Variants in RNLS observed in about 807,000 individuals in gnomAD.
The protein encoded by RNLS is renalase, FAD dependent amine oxidase.
In RNLS, 39 loss-of-function variants were observed where a neutral mutation model predicts 39.8. The observed-to-expected ratio is 0.98, with a 90% CI of 0.76 to 1.28. The LOEUF is 1.28. RNLS is among the 50% of genes most tolerant of loss of function. RNLS has a pLI of 0.00. For missense variants in RNLS, 410 were observed against 413.3 expected (o/e 0.99, Z 0.07); for synonymous variants, 147 against 150.7 (o/e 0.98, Z 0.18).
At position 88,498,732 on chromosome 10, in the gene RNLS, T is replaced by C. The variant is rs117470391; in HGVS notation, c.526+74171A>G. Among the ~76,000 whole-genome samples the C allele has an allele frequency of 8.6e-3, 1,301 of 152,012 alleles. 21 individuals carry two copies. The highest frequency in any genetic ancestry group is 0.033 in the East Asian group (172 of 5,164). ...GATAGGAGGTGTCACTTCTACAAAT[T>C]ACTCTTGAACAGTTCAAAAAGAAAG... On this transcript the variant is annotated intron_variant, in intron 4 of 6. Transcript: ENST00000331772.
chr10:88,515,376 T>C (rs1846353471), intron 4 of RNLS, among the ~76,000 whole-genome samples: 1 of 152,082 alleles, frequency 6.6e-6, no homozygotes, highest in Admixed American at 6.6e-5. Context: ...CAGGGTCCAA[T>C]TATGCCATGT....
chr10:88,302,868 A>G (rs925351666), intron 6 of RNLS, among the ~76,000 whole-genome samples: 2 of 152,066 alleles, frequency 1.3e-5, no homozygotes, highest in African/African-American at 4.8e-5. Context: ...ATGCAGGGAG[A>G]GGGGGGAGGC....
the RNLS span, among the ~76,000 whole-genome samples, chr10:88,251,455 C>T: frequency 6.6e-6 from 1 of 152,280 alleles, no homozygotes; most frequent in African/African-American, 2.4e-5. Context: ...GATTAATGCA[C>T]CCAGCACATG....
the RNLS span, among the ~76,000 whole-genome samples, chr10:88,237,624 T>G: frequency 6.6e-6 from 1 of 152,248 alleles, no homozygotes; most frequent in South Asian, 2.1e-4. Flanking sequence ...TTCTAAGACA[T>G]TTCTTCTAAG....
chr10:88,422,984 A>G (rs1030575510), intron 4 of RNLS, among the ~76,000 whole-genome samples: 3 of 152,170 alleles, frequency 2.0e-5, no homozygotes, highest in African/African-American at 7.2e-5. Context: ...CTTGGCCTCA[A>G]GTGATCCACC....
chr10:88,367,620 T>C (rs1850229576), intron 4 of RNLS, among the ~76,000 whole-genome samples: 1 of 152,170 alleles, frequency 6.6e-6, no homozygotes, highest in Non-Finnish European at 1.5e-5. Flanking sequence ...TTTTCTAAAG[T>C]GATTGTACCA....
At chr10:88,429,784 T>C (rs1855028033) in intron 4 of RNLS, among the ~76,000 whole-genome samples, 1 of 151,876 alleles carries the variant, frequency 6.6e-6, no homozygotes, top group African/African-American at 2.4e-5. Context: ...CAGCACAATA[T>C]GTTGAAAAGA....
the RNLS span, among the ~76,000 whole-genome samples, chr10:88,204,511 A>G: frequency 1.3e-5 from 2 of 152,174 alleles, no homozygotes; most frequent in Admixed American, 6.5e-5. Context: ...ACATTTGCAA[A>G]GTGCCAATTA....
intron 5 of RNLS, among the ~76,000 whole-genome samples, chr10:88,321,475 TGAC>T (rs1262832263): frequency 3.3e-5 from 5 of 152,036 alleles, no homozygotes; most frequent in African/African-American, 1.2e-4. Context: ...CATAAAATTG[TGAC>T]CAACAAAATA....
At chr10:88,476,496 G>T (rs1391232915) in intron 4 of RNLS, among the ~76,000 whole-genome samples, 1 of 151,722 alleles carries the variant, frequency 6.6e-6, no homozygotes, top group Non-Finnish European at 1.5e-5. Flanking sequence ...ATGAGGACGG[G>T]GACAACAGAG....
intron 6 of RNLS, among the ~76,000 whole-genome samples, chr10:88,289,443 A>G (rs960644537): frequency 4.6e-5 from 7 of 152,134 alleles, no homozygotes; most frequent in Non-Finnish European, 8.8e-5. Context: ...CTTTGCTGAC[A>G]AGTAAATTGC....
intron 4 of RNLS, among the ~76,000 whole-genome samples, chr10:88,470,617 ATTT>A (rs10676559): frequency 7.1e-6 from 1 of 141,666 alleles, no homozygotes. Context: ...TGTAATTTTA[ATTT>A]TTTTTTTTTT....
the RNLS span, among the ~76,000 whole-genome samples, chr10:88,199,938 A>G: frequency 7.3e-3 from 1,104 of 152,242 alleles, 12 homozygotes; most frequent in African/African-American, 0.024. Flanking sequence ...AGACTAGCCT[A>G]AGCAACATGG....
downstream of RNLS, among the ~76,000 whole-genome samples, chr10:88,282,602 C>T (rs1435445819): frequency 2.0e-5 from 3 of 151,452 alleles, no homozygotes; most frequent in South Asian, 2.1e-4. Flanking sequence ...AGTGGGTAGG[C>T]GGGGGGTGGG....
chr10:88,303,612 T>TTTGCC (rs1489696834), intron 6 of RNLS, among the ~76,000 whole-genome samples: 1 of 152,202 alleles, frequency 6.6e-6, no homozygotes, highest in Non-Finnish European at 1.5e-5. Context: ...TTTGCTTTGC[T>TTTGCC]TTGCCGGTGC....
chr10:88,476,889 G>A (rs1589859619), intron 4 of RNLS, among the ~76,000 whole-genome samples: 1 of 152,054 alleles, frequency 6.6e-6, no homozygotes, highest in Non-Finnish European at 1.5e-5. Context: ...AGTCAATGTT[G>A]TTCTTATGCA....
Position 88,285,463 on chromosome 10 carries a change from T to TG in RNLS, c.919dup (p.His307ProfsTer19), listed in dbSNP as rs1352499542. 9 of 1,613,148 alleles carry TG rather than the reference T, an allele frequency of 5.6e-6. No individual in the cohort carries two copies. In the African/African-American group the frequency reaches 1.2e-4, roughly 22 times the overall value. The stretch of plus-strand genomic sequence containing the variant: ...TCCACATGCAAGGAAAGGTTTGTGA[T>TG]GCAGAGTCATTTGGCCAGGACAGTT... On this transcript the variant is annotated frameshift_variant, in exon 7 of 7. Coordinates refer to ENST00000331772, the MANE Select transcript of RNLS (RefSeq NM_001031709.3). LOFTEE classifies it high-confidence loss of function.
At chr10:88,267,805 T>A in the RNLS span, among the ~76,000 whole-genome samples, 1 of 152,194 alleles carries the variant, frequency 6.6e-6, no homozygotes, top group South Asian at 2.1e-4. Context: ...GAATAGAGAA[T>A]TTGGATGTGG....
At chr10:88,310,835 A>AAGG (rs1845322774) in intron 6 of RNLS, among the ~76,000 whole-genome samples, 1 of 150,824 alleles carries the variant, frequency 6.6e-6, no homozygotes, top group Admixed American at 6.6e-5. Context: ...AAAGAAAGAA[A>AAGG]AGGAAGAGAA....
Sources: gnomAD v4.1 joint callset for allele counts (sites outside exome capture counted in the v4.1 genomes callset) on GRCh38, gnomAD v4.1.1 for gene constraint, MANE v1.5 for transcripts, NCBI Gene and HGNC (gene_info 2026-07-23, HGNC 2026-07-21) for gene names.